Variants in CCL11 observed in about 807,000 individuals in gnomAD.
CCL11 encodes eotaxin.
Under a neutral mutation model 7.3 loss-of-function variants are expected in CCL11, and 7 were observed. That is an observed-to-expected ratio of 0.96 (90% CI 0.55 to 1.81). CCL11 has a LOEUF of 1.81. CCL11 is among the 40% of genes most tolerant of loss of function. The pLI, the probability that CCL11 is intolerant of heterozygous loss-of-function variation, is 0.00. For missense variants in CCL11, 132 were observed against 114.2 expected, an observed-to-expected ratio of 1.16 and a Z score of -0.71; for synonymous variants, 66 against 45.2, an observed-to-expected ratio of 1.46 and a Z score of -1.84.
rs747402916 is a variant in CCL11 at position 34,287,085 on chromosome 17, C to T, written c.77-11C>T. On this transcript the variant is annotated splice_polypyrimidine_tract_variant and intron_variant, in intron 1 of 2. Coordinates refer to ENST00000305869, the MANE Select transcript of CCL11 (RefSeq NM_002986.3). The stretch of plus-strand genomic sequence containing the variant: ...TTTTTTCTCTGTTCATTTTTTTTCC[C>T]CAAAATTCAGCTTCTGTCCCAACCA... 5.6e-6 allele frequency: 9 copies of T among 1,598,350 alleles called. No homozygotes were observed. The South Asian group carries it at 1.0e-4, about 18-fold the overall frequency.
rs2142212512 is a variant in CCL11, at chr17:34,287,718, G to A, written c.*28G>A. On this transcript the variant is annotated 3_prime_UTR_variant, in exon 3 of 3. Coordinates refer to ENST00000305869, the MANE Select transcript of CCL11 (RefSeq NM_002986.3). ...AATCACCATTTTTGAAACCAAACCAGAGCCTGAGTGTTGCCTAATTTGTTT... is the reference window on the plus strand; with the variant it reads ...AATCACCATTTTTGAAACCAAACCAAAGCCTGAGTGTTGCCTAATTTGTTT... The A allele has an allele frequency of 6.9e-7, 1 of 1,458,690 alleles. No homozygotes were observed. The highest frequency in any genetic ancestry group is 1.1e-5 in the South Asian group (1 of 87,234). The allele number at this position is 1,458,690 out of a possible 1,614,324, so 90.4% of individuals were successfully genotyped here. A position where few individuals can be genotyped will look rare whatever the true frequency, so the allele number is the denominator to read the frequency against.
intron 1 of CCL11, 80 bp from the exon 2 acceptor site, chr17:34,287,016 C>G (rs1432184805): frequency 3.1e-6 from 3 of 961,954 alleles, no homozygotes; most frequent in Non-Finnish European, 3.3e-6. Flanking sequence ...ACTTCCTTTA[C>G]AAAGTCATGC....
In CCL11 at chr17:34,287,103, C is replaced by T. The variant is rs375131716; in HGVS notation, c.84C>T (p.Val28=). ...SPQGLAGPAS[V]PTTCCFNLAN... is the part of the protein sequence containing the mutation. Reference sequence around the variant, plus strand: ...TTTTTCCCCAAAATTCAGCTTCTGTCCCAACCACCTGCTGCTTTAACCTGG... The same window carrying T: ...TTTTTCCCCAAAATTCAGCTTCTGTTCCAACCACCTGCTGCTTTAACCTGG... Residue 28 remains valine (V), a synonymous_variant, in exon 2 of 3, where the codon GTC becomes GTT. Coordinates refer to ENST00000305869, the MANE Select transcript of CCL11 (RefSeq NM_002986.3). 1.3e-5 allele frequency: 21 copies of T among 1,612,968 alleles called. No homozygotes were observed. The African/African-American group carries it at 2.4e-4, about 18-fold the overall frequency.
At chr17:34,287,354 C>G in intron 2 of CCL11, 147 bp downstream of exon 2, 1 of 672,600 alleles carries the variant, frequency 1.5e-6, no homozygotes, top group Non-Finnish European at 2.6e-6. Flanking sequence ...AGTGAGTGTT[C>G]ACTCCCAGCT....
chr17:34,287,717 A>G lies in CCL11; in HGVS notation c.*27A>G. 2.7e-6 allele frequency: 4 copies of G among 1,486,228 alleles called. No homozygotes were observed. Among genetic ancestry groups the G allele is most frequent in the Non-Finnish European group, 3.8e-6 (4 of 1,064,988 alleles). The allele number at this position is 1,486,228 out of a possible 1,614,324, so 92.1% of individuals were successfully genotyped here. A position where few individuals can be genotyped will look rare whatever the true frequency, so the allele number is the denominator to read the frequency against. On this transcript the variant is annotated 3_prime_UTR_variant, in exon 3 of 3. Transcript: ENST00000305869. ...TAATCACCATTTTTGAAACCAAACC[A>G]GAGCCTGAGTGTTGCCTAATTTGTT...
At position 34,287,639 on chromosome 17, in the gene CCL11, G is replaced by T. The variant is rs150412800; in HGVS notation, c.243G>T (p.Val81=). 3.7e-6 allele frequency: 6 copies of T among 1,613,806 alleles called. No individual in the cohort carries two copies. The African/African-American group carries it at 6.7e-5, about 18-fold the overall frequency. ...GTGCCGACCCCAAGAAGAAGTGGGT[G>T]CAGGATTCCATGAAGTATCTGGACC... The part of the protein sequence containing the change: ...DICADPKKKW[V]QDSMKYLDQK... The change falls in exon 3 of 3, where the codon GTG becomes GTT. Residue 81 remains valine, a synonymous_variant. Coordinates refer to ENST00000305869, the MANE Select transcript of CCL11 (RefSeq NM_002986.3).
chr17:34,286,433 A>C (rs1908635149), intron 1 of CCL11, among the ~76,000 whole-genome samples: 1 of 152,232 alleles, frequency 6.6e-6, no homozygotes, highest in Non-Finnish European at 1.5e-5. Flanking sequence ...ATGGTAACAA[A>C]CAGTTCTAAA....
At position 34,287,825 on chromosome 17, in the gene CCL11, T is replaced by A. The variant is rs376201601; in HGVS notation, c.*135T>A. The A allele has an allele frequency of 3.8e-4, 108 of 280,600 alleles. No homozygotes were observed. Among genetic ancestry groups the A allele is most frequent in the African/African-American group, 2.4e-3 (84 of 35,314 alleles). The allele number at this position is 280,600 out of a possible 1,614,324, so 17.4% of individuals were successfully genotyped here. On this transcript the variant is annotated 3_prime_UTR_variant, in exon 3 of 3. Coordinates refer to ENST00000305869, the MANE Select transcript of CCL11 (RefSeq NM_002986.3). ...TTTATTATATATATATATTTTTTTT[T>A]TTAAAAAAAAAACGTATTGCATTTA...
Position 34,287,726 on chromosome 17 carries a change from G to C in CCL11, c.*36G>C, listed in dbSNP as rs1206233877. ...TTTTTGAAACCAAACCAGAGCCTGA[G>C]TGTTGCCTAATTTGTTTTCCCTTCT... On this transcript the variant is annotated 3_prime_UTR_variant, in exon 3 of 3. Coordinates refer to ENST00000305869, the MANE Select transcript of CCL11 (RefSeq NM_002986.3). The C allele has an allele frequency of 4.3e-6, 6 of 1,403,658 alleles. No individual in the cohort carries two copies. Among genetic ancestry groups the C allele is most frequent in the Non-Finnish European group, 5.0e-6 (5 of 991,638 alleles). The allele number at this position is 1,403,658 out of a possible 1,614,324, so 87.0% of individuals were successfully genotyped here.
At chr17:34,286,668 CA>C (rs986273882) in intron 1 of CCL11, among the ~76,000 whole-genome samples, 37 of 152,252 alleles carry the variant, frequency 2.4e-4, no homozygotes, top group African/African-American at 8.7e-4. Flanking sequence ...AAATGACACC[CA>C]TCACTTTGTC....
chr17:34,287,088 A>T lies in CCL11; in HGVS notation c.77-8A>T. ...TTTCTCTGTTCATTTTTTTTCCCCA[A>T]AATTCAGCTTCTGTCCCAACCACCT... On this transcript the variant is annotated splice_polypyrimidine_tract_variant and splice_region_variant and intron_variant, in intron 1 of 2. Coordinates refer to ENST00000305869, the MANE Select transcript of CCL11 (RefSeq NM_002986.3). 6.2e-7 allele frequency: 1 copy of T among 1,605,424 alleles called. No homozygotes were observed. Among genetic ancestry groups the T allele is most frequent in the Middle Eastern group, 1.7e-4 (1 of 6,046 alleles).
intron 1 of CCL11, 128 bp downstream of exon 1, chr17:34,286,012 G>A: frequency 1.6e-6 from 1 of 641,250 alleles, no homozygotes; most frequent in Non-Finnish European, 2.7e-6. Flanking sequence ...TTTGTGGGTG[G>A]ACAAGAAATG....
rs1908650317 is a variant in CCL11 at position 34,286,983 on chromosome 17, T to C, written c.77-113T>C. The stretch of plus-strand genomic sequence containing the variant: ...AGCAGAGGGATTCTCCCTCCACCTC[T>C]CGCAATTCCTTGCTTTCTCCTAACT... On this transcript the variant is annotated intron_variant, in intron 1 of 2. Transcript: ENST00000305869. The C allele has an allele frequency of 1.7e-5, 12 of 703,366 alleles. No individual in the cohort carries two copies. The South Asian group carries it at 2.0e-4, about 11-fold the overall frequency. 43.6% of individuals were successfully genotyped at this position (703,366 alleles called of 1,614,324 possible).
chr17:34,286,951 A>G, intron 1 of CCL11, 145 bp from the exon 2 acceptor site: 1 of 594,598 alleles, frequency 1.7e-6, no homozygotes, highest in Non-Finnish European at 3.0e-6. Context: ...GACACATAAG[A>G]CTTCAGAGCA....
intron 1 of CCL11, among the ~76,000 whole-genome samples, chr17:34,286,510 A>G (rs1433479646): frequency 6.6e-6 from 1 of 152,252 alleles, no homozygotes; most frequent in African/African-American, 2.4e-5. Flanking sequence ...CTAAATATCT[A>G]TAATGTATGG....
chr17:34,286,196 G>A lies in CCL11; in HGVS notation c.76+312G>A, dbSNP rs573666470. The stretch of plus-strand genomic sequence containing the variant: ...ATGGTGGGCATTTTTGGCAGTGGGA[G>A]AGAAGGAAAATCTGTTGATTAGAAG... On this transcript the variant is annotated intron_variant, in intron 1 of 2. Coordinates refer to ENST00000305869, the MANE Select transcript of CCL11 (RefSeq NM_002986.3). 1.6e-4 allele frequency among the ~76,000 whole-genome samples: 25 copies of A among 152,308 alleles called. No individual in the cohort carries two copies. In the East Asian group the frequency reaches 4.8e-3, roughly 29 times the overall value.
chr17:34,286,934 T>C (rs1430225854), intron 1 of CCL11, among the ~76,000 whole-genome samples, 162 bp from the exon 2 acceptor site: 1 of 152,190 alleles, frequency 6.6e-6, no homozygotes, highest in Non-Finnish European at 1.5e-5. Flanking sequence ...CAGGACAGCA[T>C]CCTCCAGACA....
chr17:34,286,453 A>T (rs552127887), intron 1 of CCL11, among the ~76,000 whole-genome samples: 1 of 152,358 alleles, frequency 6.6e-6, no homozygotes, highest in African/African-American at 2.4e-5. Flanking sequence ...ATTATCAATG[A>T]CTTAACAGAA....
chr17:34,285,803 T>C lies in CCL11; in HGVS notation c.-6T>C, dbSNP rs1303353926. 1 of 1,610,368 alleles carries C rather than the reference T, an allele frequency of 6.2e-7. No individual in the cohort carries two copies. The highest frequency in any genetic ancestry group is 1.7e-5 in the Admixed American group (1 of 59,444). On this transcript the variant is annotated 5_prime_UTR_variant, in exon 1 of 3. Transcript: ENST00000305869. ...CACGCCAAAGCTCACACCTTCAGCC[T>C]CCAACATGAAGGTCTCCGCAGCACT...
Sources: allele counts gnomAD v4.1 joint callset (sites outside exome capture counted in the v4.1 genomes callset), GRCh38; gene constraint gnomAD v4.1.1; transcripts MANE v1.5; gene names NCBI Gene and HGNC (gene_info 2026-07-23, HGNC 2026-07-21).